The following IFRD1 variants were observed in gnomAD, a reference collection of about 807,000 sequenced individuals.
The protein encoded by IFRD1 is interferon related developmental regulator 1.
A neutral mutation model predicts 52.9 loss-of-function variants in IFRD1; 35 were observed. The observed-to-expected ratio is 0.66, with a 90% CI of 0.51 to 0.88. The LOEUF (loss-of-function observed/expected upper bound fraction) is 0.88, where lower values mean the gene tolerates loss of function less well. IFRD1 is among the 40% of genes least tolerant of loss of function. IFRD1 has a pLI of 0.00. For synonymous variants in IFRD1, 184 were observed against 188.4 expected (o/e 0.98, Z 0.19); for missense variants, 517 against 550.8 (o/e 0.94, Z 0.61).
chr7:112,459,734 C>A (rs1298925577), intron 5 of IFRD1, among the ~76,000 whole-genome samples: 5 of 152,166 alleles, frequency 3.3e-5, no homozygotes, highest in Non-Finnish European at 7.3e-5. Flanking sequence ...GAACCCCAGG[C>A]CTCCACTGCA....
rs1795913557 is a variant in IFRD1 at position 112,476,739 on chromosome 7, T to TTTTA, written c.*1222_*1223insTATT. ...AAAGCATTTTGACAACACGTTAACA[T>TTTTA]TTAATAAACTTTAGATTAAAATATA... On this transcript the variant is annotated 3_prime_UTR_variant, in exon 12 of 12. Transcript: ENST00000403825. 1 of 152,244 alleles carries TTTTA rather than the reference T, an allele frequency of 6.6e-6. No individual in the cohort carries two copies. The highest frequency in any genetic ancestry group is 1.5e-5 in the Non-Finnish European group (1 of 68,034). The allele number at this position is 152,244 out of a possible 1,614,324, so 9.4% of individuals were successfully genotyped here. A position where few individuals can be genotyped will look rare whatever the true frequency, so the allele number is the denominator to read the frequency against.
intron 4 of IFRD1, 47 bp from the exon 5 acceptor site, chr7:112,458,814 A>T (rs753179560): frequency 6.4e-7 from 1 of 1,557,872 alleles, no homozygotes; most frequent in Admixed American, 1.7e-5. Flanking sequence ...TTAGTAAGTT[A>T]GTCTACTGAA....
chr7:112,471,710 T>G (rs930467999), intron 9 of IFRD1, among the ~76,000 whole-genome samples: 7 of 148,070 alleles, frequency 4.7e-5, no homozygotes, highest in African/African-American at 1.8e-4. Flanking sequence ...TACTTCTTAT[T>G]TTCTTAGAAA....
intron 1 of IFRD1, among the ~76,000 whole-genome samples, chr7:112,440,560 T>C (rs574192047): frequency 6.6e-6 from 1 of 152,312 alleles, no homozygotes; most frequent in Admixed American, 6.5e-5. Context: ...ATATCAGTAA[T>C]GATGAATGAA....
intron 5 of IFRD1, among the ~76,000 whole-genome samples, chr7:112,460,205 C>T (rs1395861324): frequency 6.8e-6 from 1 of 148,036 alleles, no homozygotes; most frequent in Non-Finnish European, 1.5e-5. Flanking sequence ...CCCCATTTAG[C>T]AGATGGAATC....
chr7:112,443,862 C>CA (rs34476872), intron 1 of IFRD1, among the ~76,000 whole-genome samples: 38,792 of 103,244 alleles, frequency 0.38, 5,684 homozygotes, highest in Middle Eastern at 0.51. Flanking sequence ...AACTCTGTTT[C>CA]AAAAAAAAAA....
At chr7:112,432,539 C>A (rs1276090399) in intron 1 of IFRD1, among the ~76,000 whole-genome samples, 1 of 152,204 alleles carries the variant, frequency 6.6e-6, no homozygotes, top group African/African-American at 2.4e-5. Context: ...TACAACTTGG[C>A]TCATTTTTAA....
intron 1 of IFRD1, among the ~76,000 whole-genome samples, chr7:112,440,197 C>T (rs1794841461): frequency 6.6e-6 from 1 of 152,148 alleles, no homozygotes; most frequent in Non-Finnish European, 1.5e-5. Context: ...GTTGGCTAGG[C>T]TAGTCTCGAA....
In IFRD1 at chr7:112,450,664, T is replaced by C. The variant is rs749396941; in HGVS notation, c.-25T>C. 16 of 1,592,422 alleles carry C rather than the reference T, an allele frequency of 1.0e-5. No individual in the cohort carries two copies. The highest frequency in any genetic ancestry group is 2.7e-5 in the African/African-American group (2 of 74,502). On this transcript the variant is annotated 5_prime_UTR_variant, in exon 1 of 12. Transcript: ENST00000403825. The stretch of plus-strand genomic sequence containing the variant: ...CGGCTGATCCTCGCTAAGCTCCGAC[T>C]CTGGGCGGCACCGGGCGTCCCACGA...
At chr7:112,439,252 C>T (rs1250917861) in intron 1 of IFRD1, among the ~76,000 whole-genome samples, 4 of 152,158 alleles carry the variant, frequency 2.6e-5, no homozygotes, top group Admixed American at 2.0e-4. Flanking sequence ...CAGCAGGTGA[C>T]AAGAGTGAGG....
chr7:112,474,904 G>A (rs1795855877), intron 11 of IFRD1, among the ~76,000 whole-genome samples: 1 of 151,846 alleles, frequency 6.6e-6, no homozygotes, highest in African/African-American at 2.4e-5. Context: ...TAACTTTCTT[G>A]GCGTTTTACA....
intron 8 of IFRD1, among the ~76,000 whole-genome samples, chr7:112,466,284 T>A (rs191824952): frequency 2.6e-4 from 39 of 152,230 alleles, no homozygotes; most frequent in African/African-American, 9.1e-4. Context: ...GTATATAGAG[T>A]CTTTTTTCTA....
At chr7:112,447,509 T>A (rs1331171139), upstream of IFRD1, among the ~76,000 whole-genome samples, 1 of 152,186 alleles carries the variant, frequency 6.6e-6, no homozygotes, top group East Asian at 1.9e-4. Flanking sequence ...AAAATACTTG[T>A]GTTCTAAACT....
chr7:112,471,102 T>C (rs1361736887), intron 9 of IFRD1, among the ~76,000 whole-genome samples: 2 of 152,226 alleles, frequency 1.3e-5, no homozygotes, highest in African/African-American at 4.8e-5. Context: ...TAATGTTTTC[T>C]GAATTAAAGA....
At position 112,475,806 on chromosome 7, in the gene IFRD1, A is replaced by T. The variant is rs1464657339; in HGVS notation, c.*287A>T. 8.7e-6 allele frequency: 3 copies of T among 343,346 alleles called. No homozygotes were observed. The highest frequency in any genetic ancestry group is 1.6e-5 in the Non-Finnish European group (3 of 187,148). The allele number at this position is 343,346 out of a possible 1,614,324, so 21.3% of individuals were successfully genotyped here. On this transcript the variant is annotated 3_prime_UTR_variant, in exon 12 of 12. Transcript: ENST00000403825. Reference sequence around the variant, plus strand: ...CATGATGGGGAAAACAATTAGCCAAAGTTTAATTTCTTACACTGTGGTTGT... The same window carrying T: ...CATGATGGGGAAAACAATTAGCCAATGTTTAATTTCTTACACTGTGGTTGT...
At position 112,462,054 on chromosome 7, in the gene IFRD1, CAAAGAG is replaced by C. The variant is rs751750438; in HGVS notation, c.678_683del (p.Glu226_Lys227del). On this transcript the variant is annotated inframe_deletion, in exon 7 of 12. Transcript: ENST00000403825. ...AAAATATCTTCACTAAATCCTATCT[CAAAGAG>C]AAAGACACTACTGTTATTTGCAGCA... The C allele has an allele frequency of 1.9e-6, 3 of 1,613,348 alleles. No homozygotes were observed. The highest frequency in any genetic ancestry group is 1.3e-5 in the African/African-American group (1 of 75,012).
chr7:112,452,197 T>G, intron 1 of IFRD1: 4 of 834,068 alleles, frequency 4.8e-6, no homozygotes, highest in Non-Finnish European at 5.8e-6. Context: ...TCTGGCTCTG[T>G]CGCCCAGGCT....
chr7:112,426,241 A>C (rs1794426084), intron 1 of IFRD1, among the ~76,000 whole-genome samples: 1 of 152,186 alleles, frequency 6.6e-6, no homozygotes, highest in Non-Finnish European at 1.5e-5. Context: ...AACCTGTCTC[A>C]TATGTTAGCT....
At chr7:112,452,048 G>A (rs1403946633) in intron 1 of IFRD1, 2 of 979,552 alleles carry the variant, frequency 2.0e-6, no homozygotes, top group Non-Finnish European at 2.4e-6. Context: ...TTTTTTAGGT[G>A]CCTCTTTATT....
Sources: gnomAD v4.1 joint callset for allele counts (sites outside exome capture counted in the v4.1 genomes callset) on GRCh38, gnomAD v4.1.1 for gene constraint, MANE v1.5 for transcripts, NCBI Gene and HGNC (gene_info 2026-07-23, HGNC 2026-07-21) for gene names.